Variants in PRPF6 observed in about 807,000 individuals in gnomAD.
The protein encoded by PRPF6 is pre-mRNA-processing factor 6.
Under a neutral mutation model 118.3 loss-of-function variants are expected in PRPF6, and 42 were observed. The ratio of observed to expected loss-of-function variants is 0.35; its 90% confidence interval spans 0.28 to 0.46. The LOEUF (loss-of-function observed/expected upper bound fraction) is 0.46. PRPF6 is among the 20% of genes least tolerant of loss of function. The pLI, the probability that PRPF6 is intolerant of heterozygous loss-of-function variation, is 1.00. For missense variants in PRPF6, 662 were observed against 1,255.7 expected (o/e 0.53, Z 7.15); for synonymous variants, 481 against 485.1 (o/e 0.99, Z 0.11).
chr20:64,013,659 T>C (rs550847979), intron 11 of PRPF6, among the ~76,000 whole-genome samples: 1 of 152,054 alleles, frequency 6.6e-6, no homozygotes, highest in Non-Finnish European at 1.5e-5. Context: ...AGGCTGGTCT[T>C]AAACTCCTGG....
chr20:64,022,555 G>A (rs1006163787), intron 12 of PRPF6, among the ~76,000 whole-genome samples: 8 of 152,152 alleles, frequency 5.3e-5, no homozygotes, highest in Admixed American at 3.9e-4. Context: ...TGATCCACCC[G>A]CCTCGGCCTC....
intron 11 of PRPF6, among the ~76,000 whole-genome samples, chr20:64,015,372 A>G (rs936991356): frequency 5.3e-5 from 8 of 152,182 alleles, no homozygotes; most frequent in Non-Finnish European, 8.8e-5. Context: ...CCTTTGTGCC[A>G]GCGTCTCTGC....
intron 3 of PRPF6, among the ~76,000 whole-genome samples, chr20:63,991,645 C>G (rs1341313064): frequency 6.6e-6 from 1 of 152,190 alleles, no homozygotes; most frequent in Non-Finnish European, 1.5e-5. Context: ...CAAAAATTAG[C>G]TGGGTGTGGT....
chr20:63,988,809 C>T (rs756294665), intron 3 of PRPF6, among the ~76,000 whole-genome samples: 3 of 151,304 alleles, frequency 2.0e-5, no homozygotes, highest in African/African-American at 4.9e-5. Context: ...GCAGAGGTTG[C>T]AGTCAGCTGA....
intron 1 of PRPF6, among the ~76,000 whole-genome samples, chr20:63,981,643 TCC>T (rs11295538): frequency 8.0e-6 from 1 of 124,340 alleles, no homozygotes; most frequent in African/African-American, 3.1e-5. Context: ...GGGCTGACAC[TCC>T]CCCCCCCCGC....
intron 13 of PRPF6, among the ~76,000 whole-genome samples, chr20:64,023,567 CTT>C (rs1435164174): frequency 2.0e-5 from 3 of 151,924 alleles, no homozygotes; most frequent in Admixed American, 2.0e-4. Context: ...GCCATTGTCT[CTT>C]TGCTTTTCTG....
Position 63,995,099 on chromosome 20 carries a change from T to C in PRPF6, c.615+7T>C. On this transcript the variant is annotated splice_region_variant and intron_variant, in intron 5 of 20. Coordinates refer to ENST00000266079, the MANE Select transcript of PRPF6 (RefSeq NM_012469.4). Reference sequence around the variant, plus strand: ...AGTGGATCCCCGACAAACTGTGAGCTTCCAAAAAAGGGCACATGTGGCCCA... The same window carrying C: ...AGTGGATCCCCGACAAACTGTGAGCCTCCAAAAAAGGGCACATGTGGCCCA... 1 of 1,614,102 alleles carries C rather than the reference T, an allele frequency of 6.2e-7. No homozygotes were observed. Among genetic ancestry groups the C allele is most frequent in the South Asian group, 1.1e-5 (1 of 91,076 alleles).
intron 9 of PRPF6, among the ~76,000 whole-genome samples, chr20:64,008,980 A>T (rs1026842931): frequency 6.6e-6 from 1 of 152,066 alleles, no homozygotes; most frequent in Non-Finnish European, 1.5e-5. Context: ...TTAAGGGAAA[A>T]CATGTAATAA....
At chr20:63,990,373 A>C (rs892583673) in intron 3 of PRPF6, among the ~76,000 whole-genome samples, 17 of 152,162 alleles carry the variant, frequency 1.1e-4, no homozygotes, top group African/African-American at 3.4e-4. Flanking sequence ...GACATAAGTC[A>C]ATGTGCCTGG....
rs773147382 is a variant in PRPF6, at chr20:63,985,030, A to G, written c.359+5A>G. 1.2e-6 allele frequency: 2 copies of G among 1,609,340 alleles called. No individual in the cohort carries two copies. Among genetic ancestry groups the G allele is most frequent in the Non-Finnish European group, 8.5e-7 (1 of 1,176,512 alleles). ...TGAAAGAAGAAAAGAAAGACGGTAA[A>G]AGAAATTGTTGCCTTTCACAATATT... On this transcript the variant is annotated splice_donor_5th_base_variant and intron_variant, in intron 3 of 20. Transcript: ENST00000266079.
In PRPF6 at chr20:64,033,013, G is replaced by A. The variant is rs748405301; in HGVS notation, c.*20G>A. On this transcript the variant is annotated 3_prime_UTR_variant, in exon 21 of 21. Coordinates refer to ENST00000266079, the MANE Select transcript of PRPF6 (RefSeq NM_012469.4). ...TTCTGATTGAGCGGTTGCCATGGCC[G>A]GTCTCCGTGGGGCAGGGTTGGGCCG... 36 of 1,612,702 alleles carry A rather than the reference G, an allele frequency of 2.2e-5. No homozygotes were observed. Among genetic ancestry groups the A allele is most frequent in the African/African-American group, 1.5e-4 (11 of 74,948 alleles).
intron 11 of PRPF6, 83 bp from the exon 12 acceptor site, chr20:64,016,631 AGTTTTAACC>A: frequency 6.5e-7 from 1 of 1,529,976 alleles, no homozygotes. Flanking sequence ...GATGTCTGTC[AGTTTTAACC>A]GTTCAGGAAC....
At chr20:63,997,429 T>C (rs1429581825) in intron 6 of PRPF6, among the ~76,000 whole-genome samples, 1 of 151,230 alleles carries the variant, frequency 6.6e-6, no homozygotes. Context: ...TAGCTGGGAC[T>C]ACAGGTGTGC....
chr20:63,995,561 C>G lies in PRPF6; in HGVS notation c.771+79C>G, dbSNP rs893363068. The G allele has an allele frequency of 6.5e-6, 10 of 1,531,024 alleles. No homozygotes were observed. In the African/African-American group the frequency reaches 1.2e-4, roughly 19 times the overall value. 94.8% of individuals were successfully genotyped at this position (1,531,024 alleles called of 1,614,324 possible). A position where few individuals can be genotyped will look rare whatever the true frequency, so the allele number is the denominator to read the frequency against. On this transcript the variant is annotated intron_variant, in intron 6 of 20. Transcript: ENST00000266079. ...GTTTTGTTTTCTTTTTCTCCTTCTTCTTCTTCTCCTTTTTCTTCTCCTCCT... is the reference window on the plus strand; with the variant it reads ...GTTTTGTTTTCTTTTTCTCCTTCTTGTTCTTCTCCTTTTTCTTCTCCTCCT...
chr20:64,017,666 AGGCGCCAC>A (rs1423047001), intron 12 of PRPF6, among the ~76,000 whole-genome samples: 3 of 152,224 alleles, frequency 2.0e-5, no homozygotes, highest in Non-Finnish European at 4.4e-5. Context: ...CACAGGCGTG[AGGCGCCAC>A]GCCTGGCCGC....
At position 64,026,919 on chromosome 20, in the gene PRPF6, T is replaced by C. The variant is rs375776947; in HGVS notation, c.2029-63T>C. The stretch of plus-strand genomic sequence containing the variant: ...TGCAGGTAACAGTGTTGAGGATGAG[T>C]GTACCATGAAGCACGTACCCTGGAG... On this transcript the variant is annotated intron_variant, in intron 15 of 20. Coordinates refer to ENST00000266079, the MANE Select transcript of PRPF6 (RefSeq NM_012469.4). This position sits in a 1 kb window ranked among gnomAD's most constrained non-coding sequence, Gnocchi z 4.4. 28 of 1,563,314 alleles carry C rather than the reference T, an allele frequency of 1.8e-5. No homozygotes were observed. In the African/African-American group the frequency reaches 3.4e-4, roughly 19 times the overall value.
rs372132190 is a variant in PRPF6, at chr20:64,014,627, C to G, written c.1525-2096C>G. Reference sequence around the variant, plus strand: ...TGAGCCGAGATCGTGACACTGTACTCCAGCCTGGGCAAAAGAGCGAGACTC... The same window carrying G: ...TGAGCCGAGATCGTGACACTGTACTGCAGCCTGGGCAAAAGAGCGAGACTC... On this transcript the variant is annotated intron_variant, in intron 11 of 20. Coordinates refer to ENST00000266079, the MANE Select transcript of PRPF6 (RefSeq NM_012469.4). Among the ~76,000 whole-genome samples, 9 of 152,152 alleles carry G rather than the reference C, an allele frequency of 5.9e-5. No individual in the cohort carries two copies. In the East Asian group the frequency reaches 1.2e-3, roughly 20 times the overall value.
chr20:63,987,583 T>C lies in PRPF6; in HGVS notation c.359+2558T>C, dbSNP rs2059100389. On this transcript the variant is annotated intron_variant, in intron 3 of 20. Transcript: ENST00000266079. ...CACTTTCACCACTGTGATTCAACAT[T>C]GTACTGGAAGTCCTAGCTAGAGCAG... 3.3e-5 allele frequency among the ~76,000 whole-genome samples: 5 copies of C among 152,324 alleles called. No individual in the cohort carries two copies. The South Asian group carries it at 1.0e-3, about 32-fold the overall frequency.
Position 64,001,067 on chromosome 20 carries a change from T to C in PRPF6, c.1024-10T>C. On this transcript the variant is annotated splice_polypyrimidine_tract_variant and intron_variant, in intron 8 of 20. Coordinates refer to ENST00000266079, the MANE Select transcript of PRPF6 (RefSeq NM_012469.4). ...ACTGAGCCTTATTGGTCTTATCTCT[T>C]GCCTCACAGAGTGAAGATGTCTGGC... The C allele has an allele frequency of 3.7e-6, 6 of 1,613,874 alleles. No homozygotes were observed. The highest frequency in any genetic ancestry group is 5.1e-6 in the Non-Finnish European group (6 of 1,179,940).
Sources: gnomAD v4.1 joint callset for allele counts (sites outside exome capture counted in the v4.1 genomes callset) on GRCh38, gnomAD v4.1.1 for gene constraint, Gnocchi (gnomAD v3.1) non-coding constraint, MANE v1.5 for transcripts, NCBI Gene and HGNC (gene_info 2026-07-23, HGNC 2026-07-21) for gene names.